The following COL3A1 variants were observed in gnomAD, a reference collection of about 807,000 sequenced individuals.
The protein encoded by COL3A1 is collagen alpha-1(III) chain.
A neutral mutation model predicts 200.9 loss-of-function variants in COL3A1; 46 were observed. The observed-to-expected ratio is 0.23, with a 90% CI of 0.18 to 0.29. The LOEUF (loss-of-function observed/expected upper bound fraction) is 0.29. COL3A1 is among the 10% of genes least tolerant of loss of function. The probability of loss-of-function intolerance (pLI) is 1.00; values close to 1 mark genes in which losing one functional copy is unlikely to be tolerated. For missense variants in COL3A1, 1,367 were observed against 1,917.6 expected, an observed-to-expected ratio of 0.71 and a Z score of 5.36; for synonymous variants, 650 against 628.0, an observed-to-expected ratio of 1.03 and a Z score of -0.52.
chr2:188,991,570 T>A (rs1688189654), intron 12 of COL3A1, 39 bp downstream of exon 12: 3 of 1,605,106 alleles, frequency 1.9e-6, no homozygotes, highest in Non-Finnish European at 1.7e-6. Context: ...AGTTTTATTA[T>A]TAACCTCATT....
rs1576465222 is a variant in COL3A1, at chr2:188,994,464, C to T, written c.1294-77C>T. On this transcript the variant is annotated intron_variant, in intron 18 of 50. Transcript: ENST00000304636. The surrounding 1 kb of genome is among the most constrained non-coding windows in gnomAD (Gnocchi z 4.5). ...TTCACTCTTGTCTTATAACTTATAACTGAATTATGTGTTACTGGTGATGAT... is the reference window on the plus strand; with the variant it reads ...TTCACTCTTGTCTTATAACTTATAATTGAATTATGTGTTACTGGTGATGAT... 6.4e-7 allele frequency: 1 copy of T among 1,572,770 alleles called. No homozygotes were observed. Among genetic ancestry groups the T allele is most frequent in the East Asian group, 2.2e-5 (1 of 44,668 alleles).
chr2:189,001,543 G>T lies in COL3A1; in HGVS notation c.2345G>T (p.Gly782Val). 6.2e-7 allele frequency: 1 copy of T among 1,614,096 alleles called. No homozygotes were observed. Among genetic ancestry groups the T allele is most frequent in the Non-Finnish European group, 8.5e-7 (1 of 1,179,996 alleles). The change falls in exon 34 of 51, where the codon GGT (glycine) becomes GTT (valine). Residue 782 changes from glycine to valine, a missense_variant. By Grantham distance (109) the Gly-to-Val change is moderately radical. Transcript: ENST00000304636. ...PAGQPGDKGE[G>V]GAPGLPGIAG... ...TGGCTTCTCTTTTTCCAGGGTGAAG[G>T]TGGTGCCCCCGGACTTCCAGGTATA... is the stretch of plus-strand genomic sequence containing the variant.
At chr2:188,993,596 G>C in intron 16 of COL3A1, 137 bp downstream of exon 16, 1 of 777,704 alleles carries the variant, frequency 1.3e-6, no homozygotes. Flanking sequence ...TTGTTGCTTA[G>C]TGCTCTAAAA....
At chr2:188,999,261 G>C in intron 29 of COL3A1, 24 bp from the exon 30 acceptor site, 2 of 1,547,134 alleles carry the variant, frequency 1.3e-6, no homozygotes, top group East Asian at 2.4e-5. Flanking sequence ...GTCTAATATG[G>C]TTATTTACAT....
In COL3A1 at chr2:188,994,807, G is replaced by C; in HGVS notation, c.1431G>C (p.Gly477=). 6.2e-7 allele frequency: 1 copy of C among 1,613,616 alleles called. No individual in the cohort carries two copies. Among genetic ancestry groups the C allele is most frequent in the Non-Finnish European group, 8.5e-7 (1 of 1,179,976 alleles). The part of the protein sequence containing the change: ...DGSPGEPGAN[G]LPGAAGERGA... ...CACCTGGAGAACCTGGTGCAAATGG[G>C]CTTCCAGGAGCTGCAGGAGAAAGGG... The change falls in exon 20 of 51, where the codon GGG becomes GGC. Residue 477 remains glycine, a synonymous_variant. Coordinates refer to ENST00000304636, the MANE Select transcript of COL3A1 (RefSeq NM_000090.4). The surrounding 1 kb of genome is among the most constrained non-coding windows in gnomAD (Gnocchi z 4.5).
In COL3A1 at chr2:188,984,885, G is replaced by T. The variant is rs112714742; in HGVS notation, c.205G>T (p.Asp69Tyr). 2 of 1,613,182 alleles carry T rather than the reference G, an allele frequency of 1.2e-6. No homozygotes were observed. Among genetic ancestry groups the T allele is most frequent in the Non-Finnish European group, 1.7e-6 (2 of 1,179,430 alleles). ...SVLCDDIICD[D>Y]QELDCPNPEI... Reference sequence around the variant, plus strand: ...TCTCTGCGATGACATAATATGTGACGATCAAGAATTAGACTGCCCCAACCC... The same window carrying T: ...TCTCTGCGATGACATAATATGTGACTATCAAGAATTAGACTGCCCCAACCC... Residue 69 changes from aspartate (D) to tyrosine (Y), a missense_variant, in exon 2 of 51, where the codon GAT becomes TAT. Physicochemically the swap from Asp to Tyr is radical, Grantham distance 160. Around this residue, in one of 5 missense-constraint regions of COL3A1, gnomAD observed 462 missense variants for 681.4 expected, o/e 0.68. Coordinates refer to ENST00000304636, the MANE Select transcript of COL3A1 (RefSeq NM_000090.4).
At chr2:188,981,015 A>G (rs1430104745) in intron 1 of COL3A1, among the ~76,000 whole-genome samples, 1 of 151,414 alleles carries the variant, frequency 6.6e-6, no homozygotes, top group Non-Finnish European at 1.5e-5. Flanking sequence ...TTCAAGCCAA[A>G]TTAATTAATT....
At position 189,010,318 on chromosome 2, in the gene COL3A1, G is replaced by A. The variant is rs149522780; in HGVS notation, c.3964G>A (p.Glu1322Lys). Residue 1322 changes from glutamate (E) to lysine (K), a missense_variant, in exon 49 of 51, where the codon GAG (glutamate) becomes AAG (lysine). By Grantham distance (56) the Glu-to-Lys change is moderately conservative. This residue lies in a region of COL3A1 where 846 missense variants were observed against 1,147.9 expected (regional missense o/e 0.74). Coordinates refer to ENST00000304636, the MANE Select transcript of COL3A1 (RefSeq NM_000090.4). ...RKHWWTDSSA[E>K]KKHVWFGESM... The stretch of plus-strand genomic sequence containing the variant: ...ACACTGGTGGACAGATTCTAGTGCT[G>A]AGAAGAAACACGTTTGGTTTGGAGA... 3.7e-6 allele frequency: 6 copies of A among 1,614,028 alleles called. No homozygotes were observed. The highest frequency in any genetic ancestry group is 2.2e-5 in the East Asian group (1 of 44,882).
chr2:189,004,344 C>A lies in COL3A1; in HGVS notation c.2911C>A (p.Pro971Thr). ...PPGMPGPRGS[P>T]GPQGVKGESG... is the part of the protein sequence containing the mutation. ...AGGCATGCCAGGTCCTAGGGGAAGC[C>A]CTGGCCCTCAGGGTGTCAAGGTGAG... The change falls in exon 40 of 51, where the codon CCT becomes ACT. Residue 971 changes from proline (P) to threonine (T), a missense_variant. Transcript: ENST00000304636. The A allele has an allele frequency of 6.2e-7, 1 of 1,601,402 alleles. No individual in the cohort carries two copies. Among genetic ancestry groups the A allele is most frequent in the South Asian group, 1.1e-5 (1 of 88,000 alleles).
chr2:189,005,511 G>T, intron 41 of COL3A1, 54 bp downstream of exon 41: 1 of 1,454,936 alleles, frequency 6.9e-7, no homozygotes. Context: ...ATTTATTTCA[G>T]CAAAGGTGAA....
chr2:189,004,271 A>T lies in COL3A1; in HGVS notation c.2838A>T (p.Pro946=), dbSNP rs1576470760. 1.2e-6 allele frequency: 2 copies of T among 1,605,476 alleles called. No individual in the cohort carries two copies. Among genetic ancestry groups the T allele is most frequent in the Non-Finnish European group, 1.7e-6 (2 of 1,176,240 alleles). Residue 946 remains proline (P), a synonymous_variant, in exon 40 of 51, where the codon CCA becomes CCT. Transcript: ENST00000304636. ...GAQGPPGAPG[P]LGIAGITGAR... ...ATCTGTATTAGGGAGCTCCAGGCCC[A>T]CTTGGGATTGCTGGGATCACTGGAG... is the stretch of plus-strand genomic sequence containing the variant.
Position 188,989,007 on chromosome 2 carries a change from T to C in COL3A1, c.636+364T>C, listed in dbSNP as rs182586622. 5.1e-4 allele frequency among the ~76,000 whole-genome samples: 78 copies of C among 151,886 alleles called. 1 individual carries two copies. The highest frequency in any genetic ancestry group is 8.7e-4 in the Non-Finnish European group (59 of 67,920). On this transcript the variant is annotated intron_variant, in intron 7 of 50. Coordinates refer to ENST00000304636, the MANE Select transcript of COL3A1 (RefSeq NM_000090.4). ...ACATATGTAAATATACATATACATA[T>C]ATCTTAGACAGTAGAAATAAACATA...
At position 189,007,440 on chromosome 2, in the gene COL3A1, AT is replaced by A. The variant is rs1168459806; in HGVS notation, c.3256-56del. Reference sequence around the variant, plus strand: ...AATAGATTTAATTATTATAAATTCTATTTTATTTTTCCAATATGTATGTGTG... The same window carrying A: ...AATAGATTTAATTATTATAAATTCTATTTATTTTTCCAATATGTATGTGTG... On this transcript the variant is annotated intron_variant, in intron 44 of 50. Coordinates refer to ENST00000304636, the MANE Select transcript of COL3A1 (RefSeq NM_000090.4). The A allele has an allele frequency of 9.1e-5, 116 of 1,278,230 alleles. 1 individual carries two copies. The highest frequency in any genetic ancestry group is 2.3e-4 in the Admixed American group (11 of 48,558). The allele number at this position is 1,278,230 out of a possible 1,614,324, so 79.2% of individuals were successfully genotyped here. A position where few individuals can be genotyped will look rare whatever the true frequency, so the allele number is the denominator to read the frequency against.
chr2:188,997,020 T>C (rs1269795568), intron 24 of COL3A1, 145 bp from the exon 25 acceptor site: 1 of 210,386 alleles, frequency 4.8e-6, no homozygotes, highest in African/African-American at 6.5e-5. Flanking sequence ...TGTATATATA[T>C]ATATGAGACA....
chr2:189,008,870 T>C, intron 47 of COL3A1, 54 bp from the exon 48 acceptor site: 1 of 1,549,780 alleles, frequency 6.5e-7, no homozygotes. Context: ...AATGTATTCT[T>C]AGAGTGGCGA....
chr2:189,009,060 G>C lies in COL3A1; in HGVS notation c.3662G>C (p.Gly1221Ala). Residue 1221 changes from glycine (G) to alanine (A), a missense_variant, in exon 48 of 51, where the codon GGA (glycine) becomes GCA (alanine). This residue lies in a region of COL3A1 where 846 missense variants were observed against 1,147.9 expected (regional missense o/e 0.74). Transcript: ENST00000304636. ...EKAGGFAPYY[G>A]DEPMDFKINT... ...GCTGGCGGTTTTGCCCCGTATTATG[G>C]AGATGAACCAATGGATTTCAAAATC... is the stretch of plus-strand genomic sequence containing the variant. 1 of 1,614,174 alleles carries C rather than the reference G, an allele frequency of 6.2e-7. No homozygotes were observed. Among genetic ancestry groups the C allele is most frequent in the South Asian group, 1.1e-5 (1 of 91,080 alleles).
chr2:188,975,963 G>A (rs755461530), intron 1 of COL3A1, among the ~76,000 whole-genome samples: 6 of 151,204 alleles, frequency 4.0e-5, no homozygotes, highest in Non-Finnish European at 8.9e-5. Flanking sequence ...TACTCCCCAT[G>A]TGGCCTCCTT....
chr2:188,996,374 AT>A lies in COL3A1; in HGVS notation c.1663-22del, dbSNP rs1281662446. ...TTAATCTTCTCTTTATCAAACCTTT[AT>A]TAATGTAATTTTTTCTTATTAGGGA... On this transcript the variant is annotated intron_variant, in intron 23 of 50. Transcript: ENST00000304636. 3 of 1,581,052 alleles carry A rather than the reference AT, an allele frequency of 1.9e-6. No individual in the cohort carries two copies. The African/African-American group carries it at 4.1e-5, about 21-fold the overall frequency.
At position 189,009,120 on chromosome 2, in the gene COL3A1, T is replaced by C. The variant is rs1688662950; in HGVS notation, c.3722T>C (p.Val1241Ala). Reference sequence around the variant, plus strand: ...GAGATTATGACTTCACTCAAGTCTGTTAATGGACAAATAGAAAGCCTCATT... The same window carrying C: ...GAGATTATGACTTCACTCAAGTCTGCTAATGGACAAATAGAAAGCCTCATT... ...TDEIMTSLKS[V>A]NGQIESLISP... The change falls in exon 48 of 51, where the codon GTT (valine) becomes GCT (alanine). Residue 1241 changes from valine to alanine, a missense_variant. This residue lies in a region of COL3A1 where 846 missense variants were observed against 1,147.9 expected (regional missense o/e 0.74). Coordinates refer to ENST00000304636, the MANE Select transcript of COL3A1 (RefSeq NM_000090.4). 6.2e-7 allele frequency: 1 copy of C among 1,614,082 alleles called. No homozygotes were observed. The highest frequency in any genetic ancestry group is 8.5e-7 in the Non-Finnish European group (1 of 1,180,034).
Sources: allele counts gnomAD v4.1 joint callset (sites outside exome capture counted in the v4.1 genomes callset), GRCh38; gene constraint gnomAD v4.1.1; regional missense constraint gnomAD v4.1.1; non-coding constraint Gnocchi (gnomAD v3.1); transcripts MANE v1.5; gene names NCBI Gene and HGNC (gene_info 2026-07-23, HGNC 2026-07-21).